Variants in PLEKHG1 observed in about 807,000 individuals in gnomAD.
PLEKHG1 encodes pleckstrin homology and RhoGEF domain containing G1, also known as pleckstrin homology domain-containing family G member 1.
Under a neutral mutation model 100.8 loss-of-function variants are expected in PLEKHG1, and 44 were observed. The observed-to-expected ratio is 0.44, with a 90% CI of 0.34 to 0.56. The LOEUF (loss-of-function observed/expected upper bound fraction) is 0.56. PLEKHG1 is among the 20% of genes least tolerant of loss of function. PLEKHG1 has a pLI of 0.01. For missense variants in PLEKHG1, 1,545 were observed against 1,720.9 expected, an observed-to-expected ratio of 0.90 and a Z score of 1.81; for synonymous variants, 640 against 662.5, an observed-to-expected ratio of 0.97 and a Z score of 0.52.
intron 3 of PLEKHG1, among the ~76,000 whole-genome samples, chr6:150,655,761 C>G (rs2128577221): frequency 7.0e-6 from 1 of 142,242 alleles, no homozygotes; most frequent in East Asian, 2.1e-4. Flanking sequence ...CCATGGAATA[C>G]TATGCAGCCA....
At chr6:150,657,884 G>C (rs1406231467) in intron 3 of PLEKHG1, among the ~76,000 whole-genome samples, 1 of 152,230 alleles carries the variant, frequency 6.6e-6, no homozygotes, top group South Asian at 2.1e-4. Context: ...GCCCAGTAGT[G>C]CCAGATCTGC....
chr6:150,817,374 A>G (rs1350497751), intron 10 of PLEKHG1, among the ~76,000 whole-genome samples: 2 of 152,290 alleles, frequency 1.3e-5, no homozygotes, highest in Non-Finnish European at 2.9e-5. Flanking sequence ...GCTCATGATA[A>G]TCACAGCATT....
intron 3 of PLEKHG1, among the ~76,000 whole-genome samples, chr6:150,705,852 G>T (rs1780983456): frequency 1.3e-5 from 2 of 152,178 alleles, no homozygotes; most frequent in Admixed American, 1.3e-4. Flanking sequence ...GGTTCAGAAA[G>T]AAATAAACAC....
intron 3 of PLEKHG1, among the ~76,000 whole-genome samples, chr6:150,711,241 C>T (rs1304458553): frequency 3.3e-5 from 5 of 152,090 alleles, no homozygotes; most frequent in Non-Finnish European, 5.9e-5. Flanking sequence ...GTGTTAAGTC[C>T]GCTCTACCCT....
chr6:150,827,671 C>G, intron 14 of PLEKHG1: 1 of 910,444 alleles, frequency 1.1e-6, no homozygotes, highest in South Asian at 1.3e-5. Flanking sequence ...AGATGCAGGA[C>G]CCCAACGCAG....
intron 3 of PLEKHG1, among the ~76,000 whole-genome samples, chr6:150,706,613 C>CAA (rs33992485): frequency 0.45 from 64,433 of 143,344 alleles, 15,612 homozygotes; most frequent in Non-Finnish European, 0.54. Context: ...GACTCTGTCT[C>CAA]AAAAAAAAAA....
intron 3 of PLEKHG1, 100 bp downstream of exon 2, chr6:150,650,886 C>T (rs1289051606): frequency 2.0e-5 from 3 of 152,104 alleles, no homozygotes; most frequent in African/African-American, 4.8e-5. Flanking sequence ...TATAAGTGTA[C>T]TCTGTAAGTC....
At chr6:150,651,879 T>C (rs963315330) in intron 3 of PLEKHG1, 2 of 152,102 alleles carry the variant, frequency 1.3e-5, no homozygotes, top group East Asian at 1.9e-4. Flanking sequence ...AAAAAGTCTT[T>C]AACTATTTTG....
intron 2 of PLEKHG1, among the ~76,000 whole-genome samples, chr6:150,740,826 G>C (rs995309796): frequency 6.6e-6 from 1 of 152,144 alleles, no homozygotes; most frequent in Non-Finnish European, 1.5e-5. Flanking sequence ...TGATAATTTG[G>C]AGACAAACGT....
intron 1 of PLEKHG1, chr6:150,721,333 C>T (rs763803519): frequency 6.2e-5 from 11 of 176,248 alleles, no homozygotes; most frequent in Non-Finnish European, 6.7e-5. Flanking sequence ...TGTGCAGGGA[C>T]GGAAGCTTGG....
intron 1 of PLEKHG1, among the ~76,000 whole-genome samples, chr6:150,611,380 G>A (rs936337166): frequency 1.3e-5 from 2 of 152,230 alleles, no homozygotes; most frequent in African/African-American, 4.8e-5. Context: ...TAGCTAAACT[G>A]CATTGTAGAA....
chr6:150,688,399 C>T (rs1780221150), intron 3 of PLEKHG1, among the ~76,000 whole-genome samples: 1 of 152,082 alleles, frequency 6.6e-6, no homozygotes, highest in Non-Finnish European at 1.5e-5. Context: ...TGGCTCACCG[C>T]AACCTCCGCC....
chr6:150,790,720 G>T (rs187860826), intron 4 of PLEKHG1, among the ~76,000 whole-genome samples: 2 of 152,294 alleles, frequency 1.3e-5, no homozygotes, highest in East Asian at 3.9e-4. Context: ...CTGTGAAGCA[G>T]TAACAGTAAA....
At chr6:150,779,350 T>TTTTTTTG (rs1562511433) in intron 3 of PLEKHG1, among the ~76,000 whole-genome samples, 3 of 145,328 alleles carry the variant, frequency 2.1e-5, no homozygotes, top group Admixed American at 6.8e-5. Flanking sequence ...AGAAGTTTTT[T>TTTTTTTG]TTTTTTTTTT....
Position 150,780,137 on chromosome 6 carries a change from A to ATTTT in PLEKHG1, c.513-6240_513-6237dup, listed in dbSNP as rs772671634. On this transcript the variant is annotated intron_variant, in intron 3 of 15. Coordinates refer to ENST00000358517, the Ensembl canonical transcript of PLEKHG1. ...CTGGCTATTATTTTCCTTTTCTTTA[A>ATTTT]TTTTTTTTTTTTTTTTGAGACAGAG... is the stretch of plus-strand genomic sequence containing the variant. 7.4e-5 allele frequency among the ~76,000 whole-genome samples: 10 copies of ATTTT among 135,524 alleles called. 1 individual carries two copies. The highest frequency in any genetic ancestry group is 2.8e-4 in the African/African-American group (10 of 35,552). 88.9% of individuals were successfully genotyped at this position (135,524 alleles called of 152,430 possible). A position where few individuals can be genotyped will look rare whatever the true frequency, so the allele number is the denominator to read the frequency against.
intron 7 of PLEKHG1, 70 bp from the exon 9 acceptor site, chr6:150,809,035 G>A: frequency 1.5e-6 from 2 of 1,364,132 alleles, no homozygotes; most frequent in Non-Finnish European, 2.1e-6. Flanking sequence ...AGGCTCAACA[G>A]ATGGGCCACC....
rs1269150837 is a variant in PLEKHG1 at position 150,600,272 on chromosome 6, G to A, written c.-204+255G>A. Among the ~76,000 whole-genome samples the A allele has an allele frequency of 6.6e-6, 1 of 151,342 alleles. No homozygotes were observed. The highest frequency in any genetic ancestry group is 6.6e-5 in the Admixed American group (1 of 15,234). ...GCGCTGGGGGGCGCCGCGTCTCGGG[G>A]GTCGGAGTCGGGTCGGGGATGCTGC... On this transcript the variant is annotated intron_variant, in intron 1 of 3. Transcript: ENST00000367326. This position sits in a 1 kb window ranked among gnomAD's most constrained non-coding sequence, Gnocchi z 6.2.
At chr6:150,759,928 C>A (rs1281870664) in intron 2 of PLEKHG1, among the ~76,000 whole-genome samples, 1 of 152,146 alleles carries the variant, frequency 6.6e-6, no homozygotes, top group East Asian at 1.9e-4. Flanking sequence ...GGCAGGATTT[C>A]CAGGTTGCAG....
At chr6:150,806,061 A>G (rs1157915950) in intron 7 of PLEKHG1, among the ~76,000 whole-genome samples, 1 of 152,076 alleles carries the variant, frequency 6.6e-6, no homozygotes, top group Non-Finnish European at 1.5e-5. Context: ...GTGACTCCAC[A>G]CTATACAGAG....
Sources: allele counts gnomAD v4.1 joint callset (sites outside exome capture counted in the v4.1 genomes callset), GRCh38; gene constraint gnomAD v4.1.1; non-coding constraint Gnocchi (gnomAD v3.1); transcripts MANE v1.5; gene names NCBI Gene and HGNC (gene_info 2026-07-23, HGNC 2026-07-21).